Variants in CNTNAP3B observed in about 807,000 individuals in gnomAD.
CNTNAP3B encodes contactin associated protein family member 3B, also known as contactin-associated protein-like 3B.
A neutral mutation model predicts 108.9 loss-of-function variants in CNTNAP3B; 25 were observed. That is an observed-to-expected ratio of 0.23 (90% CI 0.17 to 0.32). The LOEUF (loss-of-function observed/expected upper bound fraction) is 0.32. CNTNAP3B is among the 10% of genes least tolerant of loss of function. The pLI is 1.00. For synonymous variants in CNTNAP3B, 103 were observed against 473.4 expected, an observed-to-expected ratio of 0.22 and a Z score of 10.16; for missense variants, 252 against 1,210.4, an observed-to-expected ratio of 0.21 and a Z score of 11.75.
intron 2 of CNTNAP3B, among the ~76,000 whole-genome samples, chr9:42,089,763 A>G (rs1235974795): frequency 0.012 from 1,721 of 142,368 alleles, 1 homozygote; most frequent in African/African-American, 0.045. Context: ...AAAAGATCCA[A>G]TATGTTTCCA....
rs1406661160 is a variant in CNTNAP3B, at chr9:41,942,059, A to G, written c.2081-3659T>C. ...ACCACCTAGGGGAATGGAAATACCCAGAACCAGCCCCCTCTACCCTTCTTT... is the reference window on the plus strand; with the variant it reads ...ACCACCTAGGGGAATGGAAATACCCGGAACCAGCCCCCTCTACCCTTCTTT... On this transcript the variant is annotated intron_variant, in intron 13 of 23. Coordinates refer to ENST00000377561, the MANE Select transcript of CNTNAP3B (RefSeq NM_001201380.3). Among the ~76,000 whole-genome samples the G allele has an allele frequency of 1.2e-4, 19 of 152,414 alleles. No homozygotes were observed. The South Asian group carries it at 3.5e-3, about 28-fold the overall frequency.
At position 41,917,324 on chromosome 9, in the gene CNTNAP3B, A is replaced by G. The variant is rs528565363; in HGVS notation, c.2995+2746T>C. Among the ~76,000 whole-genome samples, 6 of 142,136 alleles carry G rather than the reference A, an allele frequency of 4.2e-5. No individual in the cohort carries two copies. In the South Asian group the frequency reaches 9.2e-4, roughly 22 times the overall value. 93.2% of individuals were successfully genotyped at this position (142,136 alleles called of 152,430 possible). On this transcript the variant is annotated intron_variant, in intron 18 of 23. Coordinates refer to ENST00000377561, the MANE Select transcript of CNTNAP3B (RefSeq NM_001201380.3). ...CTGTTAAACTTCCCTGGCTTAACTC[A>G]TTACTCTCTTAGAGTTATCAACATT...
chr9:42,101,962 A>T (rs57179628), intron 2 of CNTNAP3B, among the ~76,000 whole-genome samples: 1 of 79,368 alleles, frequency 1.3e-5, no homozygotes, highest in South Asian at 4.0e-4. Context: ...GAGGCTGAGG[A>T]AGGTGAATCA....
chr9:41,950,122 C>A (rs1824632612), intron 13 of CNTNAP3B, among the ~76,000 whole-genome samples: 1 of 103,942 alleles, frequency 9.6e-6, no homozygotes, highest in African/African-American at 3.6e-5. Context: ...ATACAGATGG[C>A]AAATAAGCAT....
chr9:41,995,993 G>A (rs550122126), intron 7 of CNTNAP3B, among the ~76,000 whole-genome samples: 10 of 143,852 alleles, frequency 7.0e-5, no homozygotes, highest in East Asian at 2.1e-4. Flanking sequence ...CTGAGATTGC[G>A]CCGCTGCACT....
At chr9:41,959,715 A>G (rs1825002200) in intron 12 of CNTNAP3B, among the ~76,000 whole-genome samples, 1 of 152,282 alleles carries the variant, frequency 6.6e-6, no homozygotes, top group South Asian at 2.1e-4. Flanking sequence ...AAGTTTTACT[A>G]TTTTTTGACA....
intron 14 of CNTNAP3B, among the ~76,000 whole-genome samples, chr9:41,934,122 T>TATATATATATATATACAC (rs1214326050): frequency 1.1e-4 from 8 of 73,438 alleles, no homozygotes; most frequent in African/African-American, 4.1e-4. Flanking sequence ...TATATATATA[T>TATATATATATATATACAC]ACACACACAT....
intron 3 of CNTNAP3B, among the ~76,000 whole-genome samples, chr9:42,062,512 G>T (rs1486228105): frequency 1.1e-5 from 1 of 89,698 alleles, no homozygotes; most frequent in Admixed American, 1.2e-4. Context: ...TAAGTGAAGC[G>T]AGCTCCCTGT....
intron 14 of CNTNAP3B, among the ~76,000 whole-genome samples, chr9:41,934,112 T>TATATATATATATATATATATATAC (rs1206776352): frequency 4.0e-5 from 5 of 126,346 alleles, no homozygotes; most frequent in African/African-American, 1.5e-4. Flanking sequence ...TATATATATA[T>TATATATATATATATATATATATAC]ATATATATAT....
intron 13 of CNTNAP3B, 99 bp downstream of exon 13, chr9:41,953,084 G>C (rs974339899): frequency 3.1e-6 from 4 of 1,294,548 alleles, no homozygotes; most frequent in African/African-American, 1.6e-5. Context: ...TAAGAGCCAC[G>C]GGAGGGACCC....
intron 17 of CNTNAP3B, among the ~76,000 whole-genome samples, 158 bp downstream of exon 17, chr9:41,922,519 C>T (rs1823698117): frequency 6.8e-6 from 1 of 146,300 alleles, no homozygotes; most frequent in Non-Finnish European, 1.5e-5. Flanking sequence ...ACATAAGAAG[C>T]ACACAGCAAG....
At chr9:41,948,086 G>T (rs1824577332) in intron 13 of CNTNAP3B, among the ~76,000 whole-genome samples, 1 of 151,512 alleles carries the variant, frequency 6.6e-6, no homozygotes, top group Non-Finnish European at 1.5e-5. Context: ...TTTTTGTTTT[G>T]TTTTGGTTTT....
At position 42,125,604 on chromosome 9, in the gene CNTNAP3B, C is replaced by A. The variant is rs1450003990; in HGVS notation, c.85+3406G>T. On this transcript the variant is annotated intron_variant, in intron 1 of 23. Coordinates refer to ENST00000377561, the MANE Select transcript of CNTNAP3B (RefSeq NM_001201380.3). ...TTATCATTTCCATGGGCTACTTCAG[C>A]TCCGTACTGTTTGTATAGAGTTTGG... 1.4e-5 allele frequency among the ~76,000 whole-genome samples: 2 copies of A among 138,572 alleles called. 1 individual carries two copies. The highest frequency in any genetic ancestry group is 5.7e-5 in the African/African-American group (2 of 35,014). The allele number at this position is 138,572 out of a possible 152,430, so 90.9% of individuals were successfully genotyped here.
At chr9:41,980,751 TA>T (rs1322742540) in intron 9 of CNTNAP3B, 1 of 144,912 alleles carries the variant, frequency 6.9e-6, no homozygotes, top group African/African-American at 2.7e-5. Flanking sequence ...TTCAACATAG[TA>T]AGAGCCACCT....
At chr9:41,958,735 CAA>C (rs1824958679) in intron 12 of CNTNAP3B, among the ~76,000 whole-genome samples, 1 of 151,150 alleles carries the variant, frequency 6.6e-6, no homozygotes, top group Non-Finnish European at 1.5e-5. Context: ...CAAAAGAAAA[CAA>C]AACACCAGTA....
In CNTNAP3B at chr9:42,056,313, T is replaced by C. The variant is rs540460703; in HGVS notation, c.390+20556A>G. ...TTTAACTTATAAACAAGGTTGAATATTATCTCATGAATTTTATTATTATTA... is the reference window on the plus strand; with the variant it reads ...TTTAACTTATAAACAAGGTTGAATACTATCTCATGAATTTTATTATTATTA... On this transcript the variant is annotated intron_variant, in intron 3 of 23. Coordinates refer to ENST00000377561, the MANE Select transcript of CNTNAP3B (RefSeq NM_001201380.3). Among the ~76,000 whole-genome samples, 865 of 125,676 alleles carry C rather than the reference T, an allele frequency of 6.9e-3. 15 individuals carry two copies. Among genetic ancestry groups the C allele is most frequent in the Middle Eastern group, 0.015 (4 of 266 alleles). The allele number at this position is 125,676 out of a possible 152,430, so 82.4% of individuals were successfully genotyped here.
intron 3 of CNTNAP3B, among the ~76,000 whole-genome samples, chr9:42,023,944 G>GA (rs1215528258): frequency 2.6e-5 from 4 of 151,434 alleles, no homozygotes; most frequent in Non-Finnish European, 5.9e-5. Flanking sequence ...TAAAGGTACA[G>GA]AAAAAAACCT....
chr9:42,093,127 G>A (rs573512323), intron 2 of CNTNAP3B, among the ~76,000 whole-genome samples: 1,273 of 96,550 alleles, frequency 0.013, 431 homozygotes, highest in Non-Finnish European at 0.018. Flanking sequence ...TGGCCGAGGC[G>A]GATCACGAGG....
intron 11 of CNTNAP3B, among the ~76,000 whole-genome samples, chr9:41,963,202 T>C (rs981699139): frequency 6.6e-6 from 1 of 152,292 alleles, no homozygotes. Context: ...GAAAATCAAA[T>C]GTCTCATGGA....
Sources: allele counts gnomAD v4.1 joint callset (sites outside exome capture counted in the v4.1 genomes callset), GRCh38; gene constraint gnomAD v4.1.1; transcripts MANE v1.5; gene names NCBI Gene and HGNC (gene_info 2026-07-23, HGNC 2026-07-21).